The following COPS5 variants were observed in gnomAD, a reference collection of about 807,000 sequenced individuals.
COPS5 encodes the protein COP9 signalosome subunit 5.
Under a neutral mutation model 44.4 loss-of-function variants are expected in COPS5, and 8 were observed. The observed-to-expected ratio is 0.18, with a 90% CI of 0.11 to 0.32. COPS5 has a LOEUF of 0.32. COPS5 is among the 10% of genes least tolerant of loss of function. The pLI is 1.00. For synonymous variants in COPS5, 122 were observed against 142.8 expected (o/e 0.85, Z 1.04); for missense variants, 159 against 406.4 (o/e 0.39, Z 5.23).
At position 67,043,335 on chromosome 8, in the gene COPS5, C is replaced by T. The variant is rs1030380668; in HGVS notation, c.921-18G>A. On this transcript the variant is annotated intron_variant, in intron 7 of 7. Transcript: ENST00000357849. Reference sequence around the variant, plus strand: ...TTTTACAGCTGGAAAAAAAAACACACATCACATGATGTCATAAATTGAAAA... The same window carrying T: ...TTTTACAGCTGGAAAAAAAAACACATATCACATGATGTCATAAATTGAAAA... The T allele has an allele frequency of 7.5e-6, 11 of 1,475,940 alleles. No homozygotes were observed. The highest frequency in any genetic ancestry group is 5.8e-5 in the South Asian group (5 of 85,590). 91.4% of individuals were successfully genotyped at this position (1,475,940 alleles called of 1,614,324 possible). A position where few individuals can be genotyped will look rare whatever the true frequency, so the allele number is the denominator to read the frequency against.
At chr8:67,060,419 T>A (rs781637462) in intron 1 of COPS5, 1 of 1,286,496 alleles carries the variant, frequency 7.8e-7, no homozygotes, top group South Asian at 1.2e-5. Flanking sequence ...CCTTTTTAGA[T>A]GTCTGCCCAC....
At chr8:67,052,720 G>A (rs984356900) in intron 5 of COPS5, among the ~76,000 whole-genome samples, 7 of 151,170 alleles carry the variant, frequency 4.6e-5, no homozygotes, top group African/African-American at 7.3e-5. Context: ...TTTGGGAGAC[G>A]GAGGCAGAAG....
At chr8:67,056,632 T>C (rs539830941) in intron 4 of COPS5, 28 bp from the exon 5 acceptor site, 3 of 135,222 alleles carry the variant, frequency 2.2e-5, no homozygotes, top group Non-Finnish European at 3.7e-5. Flanking sequence ...AAACAGAAGA[T>C]TAAGAAAAAA....
At chr8:67,046,383 G>C (rs1033415342) in intron 6 of COPS5, among the ~76,000 whole-genome samples, 13 of 152,142 alleles carry the variant, frequency 8.5e-5, no homozygotes. Context: ...TACTGTGAAA[G>C]TTAAATGAAG....
rs760694418 is a variant in COPS5, at chr8:67,045,887, C to T, written c.845G>A (p.Arg282Gln). 6.2e-7 allele frequency: 1 copy of T among 1,614,134 alleles called. No homozygotes were observed. Among genetic ancestry groups the T allele is most frequent in the Non-Finnish European group, 8.5e-7 (1 of 1,179,994 alleles). Reference protein sequence around the residue: ...KLEQSEAQLGRGSFMLGLETH... With the variant: ...KLEQSEAQLGQGSFMLGLETH... ...TTCTAAACCCAACATGAAACTCCCT[C>T]GTCCCAGCTGGGCTTCTGACTGCTC... Residue 282 changes from arginine (R) to glutamine (Q), a missense_variant, in exon 7 of 8, where the codon CGA becomes CAA. Transcript: ENST00000357849.
chr8:67,050,379 T>G (rs1804382298), intron 6 of COPS5, among the ~76,000 whole-genome samples: 1 of 152,224 alleles, frequency 6.6e-6, no homozygotes, highest in Non-Finnish European at 1.5e-5. Flanking sequence ...CTCCCCATTT[T>G]TAGTCCTTGA....
intron 4 of COPS5, 43 bp downstream of exon 4, chr8:67,057,337 G>A (rs756825396): frequency 7.5e-7 from 1 of 1,337,898 alleles, no homozygotes; most frequent in Non-Finnish European, 1.1e-6. Flanking sequence ...TCCAGCCTAG[G>A]TAACACAGTG....
intron 1 of COPS5, chr8:67,061,289 T>C: frequency 2.7e-6 from 1 of 373,624 alleles, no homozygotes; most frequent in East Asian, 8.2e-5. Flanking sequence ...CCGAAATAAT[T>C]ACCAGCAATC....
chr8:67,059,406 A>G lies in COPS5; in HGVS notation c.183T>C (p.Ala61=), dbSNP rs1181711255. Reference sequence around the variant, plus strand: ...TGGCATGCATCACCATCTTCAGCAGAGCCAATGCTGAGATTTTGCAGTACT... The same window carrying G: ...TGGCATGCATCACCATCTTCAGCAGGGCCAATGCTGAGATTTTGCAGTACT... ...YFKYCKISAL[A]LLKMVMHARS... Residue 61 remains alanine, a synonymous_variant, in exon 2 of 8, where the codon GCT becomes GCC. Transcript: ENST00000357849. 1 of 1,614,136 alleles carries G rather than the reference A, an allele frequency of 6.2e-7. No individual in the cohort carries two copies. The highest frequency in any genetic ancestry group is 8.5e-7 in the Non-Finnish European group (1 of 1,179,928).
At chr8:67,044,346 C>T (rs1219188635) in intron 7 of COPS5, 3 of 151,992 alleles carry the variant, frequency 2.0e-5, no homozygotes, top group Non-Finnish European at 2.9e-5. Flanking sequence ...CATGCCCAGC[C>T]GAAAAACGCA....
chr8:67,058,352 G>A (rs2129537999), intron 2 of COPS5, 141 bp from the exon 3 acceptor site: 2 of 694,934 alleles, frequency 2.9e-6, no homozygotes, highest in South Asian at 3.9e-5. Context: ...CGAAATCTAT[G>A]GGCAATTGCT....
intron 1 of COPS5, chr8:67,060,665 T>C: frequency 5.8e-6 from 2 of 344,620 alleles, no homozygotes; most frequent in South Asian, 2.5e-5. Context: ...CTTATTTCCA[T>C]ATTATGACAA....
At position 67,061,890 on chromosome 8, in the gene COPS5, T is replaced by C. The variant is rs576133944; in HGVS notation, c.107A>G (p.Gln36Arg). Residue 36 changes from glutamine (Q) to arginine (R), a missense_variant, in exon 1 of 8, where the codon CAG (glutamine) becomes CGG (arginine). Gln to Arg is a conservative substitution (Grantham distance 43). Transcript: ENST00000357849. ...GGGCTTCGCCGCCAGGATTTCTTGC[T>C]GCTGTTTCTTGTCGTATTTGTAGAT... Reference protein sequence around the residue: ...DEIYKYDKKQQQEILAAKPWT... With the variant: ...DEIYKYDKKQRQEILAAKPWT... 1 of 1,614,262 alleles carries C rather than the reference T, an allele frequency of 6.2e-7. No individual in the cohort carries two copies. Among genetic ancestry groups the C allele is most frequent in the African/African-American group, 1.3e-5 (1 of 75,076 alleles).
chr8:67,057,042 G>A (rs1234954400), intron 4 of COPS5, among the ~76,000 whole-genome samples: 1 of 152,102 alleles, frequency 6.6e-6, no homozygotes, highest in African/African-American at 2.4e-5. Context: ...TGCTTTTCCA[G>A]TAAAATTAAC....
chr8:67,057,350 A>T, intron 4 of COPS5, 30 bp downstream of exon 4: 2 of 1,471,272 alleles, frequency 1.4e-6, no homozygotes, highest in South Asian at 1.2e-5. Flanking sequence ...ACACAGTGAG[A>T]CTCTAACTCT....
At chr8:67,051,372 TAAA>T (rs763120396) in intron 5 of COPS5, 31 bp from the exon 6 acceptor site, 4 of 1,102,988 alleles carry the variant, frequency 3.6e-6, no homozygotes, top group Non-Finnish European at 5.1e-6. Context: ...ATTTAGTAAG[TAAA>T]AAAAAAAATT....
intron 1 of COPS5, chr8:67,061,364 A>G (rs1322531219): frequency 2.2e-6 from 1 of 450,044 alleles, no homozygotes; most frequent in Non-Finnish European, 4.4e-6. Context: ...CGAAGGCGGG[A>G]GGATCGCTTG....
At chr8:67,045,619 C>T in intron 7 of COPS5, 193 bp downstream of exon 7, 1 of 590,600 alleles carries the variant, frequency 1.7e-6, no homozygotes, top group Admixed American at 3.0e-5. Context: ...CATGTTCTTA[C>T]CTGAGGTATC....
intron 7 of COPS5, chr8:67,045,059 T>C (rs994704766): frequency 6.6e-6 from 1 of 152,204 alleles, no homozygotes; most frequent in Non-Finnish European, 1.5e-5. Flanking sequence ...GGATACTAAA[T>C]TACTGTTTTA....
Sources: gnomAD v4.1 joint callset for allele counts (sites outside exome capture counted in the v4.1 genomes callset) on GRCh38, gnomAD v4.1.1 for gene constraint, MANE v1.5 for transcripts, NCBI Gene and HGNC (gene_info 2026-07-23, HGNC 2026-07-21) for gene names.